The following AP3B1 variants were observed in gnomAD, a reference collection of about 807,000 sequenced individuals.
AP3B1 encodes the protein adaptor related protein complex 3 subunit beta 1.
In AP3B1, 61 loss-of-function variants were observed where a neutral mutation model predicts 132.5. The ratio of observed to expected loss-of-function variants is 0.46; its 90% CI spans 0.37 to 0.57. AP3B1 has a LOEUF of 0.57. AP3B1 is among the 20% of genes least tolerant of loss of function. AP3B1 has a pLI of 0.00. For synonymous variants in AP3B1, 388 were observed against 438.3 expected (o/e 0.89, Z 1.43); for missense variants, 1,120 against 1,289.4 (o/e 0.87, Z 2.01).
At chr5:78,040,100 A>G (rs1309334721) in intron 22 of AP3B1, among the ~76,000 whole-genome samples, 1 of 152,110 alleles carries the variant, frequency 6.6e-6, no homozygotes, top group African/African-American at 2.4e-5. Flanking sequence ...ACTGAAGACC[A>G]TGGCCCCCAG....
At chr5:78,174,910 C>T (rs1053586374) in intron 11 of AP3B1, among the ~76,000 whole-genome samples, 4 of 152,164 alleles carry the variant, frequency 2.6e-5, no homozygotes, top group African/African-American at 7.2e-5. Flanking sequence ...TGTTTACCTA[C>T]TCAAGCCTCA....
intron 22 of AP3B1, among the ~76,000 whole-genome samples, chr5:78,072,443 G>C (rs1301776091): frequency 1.3e-5 from 2 of 152,108 alleles, no homozygotes; most frequent in African/African-American, 4.8e-5. Flanking sequence ...CATTTGGCTG[G>C]TATCGCTTTT....
At chr5:78,044,447 T>C (rs1748236114) in intron 22 of AP3B1, among the ~76,000 whole-genome samples, 1 of 152,248 alleles carries the variant, frequency 6.6e-6, no homozygotes, top group Admixed American at 6.5e-5. Flanking sequence ...ACAAACATAT[T>C]TGTTATCAAA....
chr5:78,058,227 C>T (rs1036746438), intron 22 of AP3B1, among the ~76,000 whole-genome samples: 5 of 152,108 alleles, frequency 3.3e-5, no homozygotes, highest in African/African-American at 4.8e-5. Flanking sequence ...ATAGGCCGGA[C>T]GCAGTGGCTC....
At chr5:78,015,323 T>C (rs966262517) in intron 26 of AP3B1, 87 bp downstream of exon 26, 18 of 1,394,922 alleles carry the variant, frequency 1.3e-5, no homozygotes, top group Non-Finnish European at 1.4e-5. Flanking sequence ...GGGGTTATTA[T>C]TTCCAAAGAA....
chr5:78,148,888 C>G (rs1251170466), intron 14 of AP3B1, among the ~76,000 whole-genome samples: 1 of 152,166 alleles, frequency 6.6e-6, no homozygotes, highest in Non-Finnish European at 1.5e-5. Flanking sequence ...GGCTGTATCA[C>G]TTCGTAGGAA....
At chr5:78,174,513 C>T (rs371581993) in intron 11 of AP3B1, among the ~76,000 whole-genome samples, 2 of 152,314 alleles carry the variant, frequency 1.3e-5, no homozygotes, top group South Asian at 2.1e-4. Context: ...TTATCACCAG[C>T]GGAGGCTGCA....
chr5:78,272,021 G>A (rs1748565444), intron 1 of AP3B1, among the ~76,000 whole-genome samples: 1 of 152,094 alleles, frequency 6.6e-6, no homozygotes, highest in African/African-American at 2.4e-5. Flanking sequence ...ATTTGAATAG[G>A]AAACATTTGC....
rs770570981 is a variant in AP3B1, at chr5:78,128,059, A to C, written c.1939T>G (p.Ser647Ala). The C allele has an allele frequency of 2.4e-5, 39 of 1,613,324 alleles. No individual in the cohort carries two copies. Among genetic ancestry groups the C allele is most frequent in the Non-Finnish European group, 3.2e-5 (38 of 1,179,356 alleles). ...TCTATTACTTCTACATTTCGAACTG[A>C]TGGGTCGGGCGCCACCTCTGGCCAA... Reference protein sequence around the residue: ...SNWPEVAPDPSVRNVEVIELA... With the variant: ...SNWPEVAPDPAVRNVEVIELA... Residue 647 changes from serine to alanine, a missense_variant, in exon 17 of 27, where the codon TCA (serine) becomes GCA (alanine). Transcript: ENST00000255194.
intron 1 of AP3B1, among the ~76,000 whole-genome samples, chr5:78,274,032 GAAAAAAAA>G (rs57157997): frequency 2.2e-5 from 2 of 91,556 alleles, no homozygotes; most frequent in African/African-American, 9.0e-5. Flanking sequence ...AGAAAAAAAG[GAAAAAAAA>G]AAAAAAAAAA....
At chr5:78,043,411 T>C (rs554254856) in intron 22 of AP3B1, 6 of 205,932 alleles carry the variant, frequency 2.9e-5, no homozygotes, top group Middle Eastern at 1.5e-3. Context: ...ATTACAGGCA[T>C]GAGCCATTGT....
At chr5:78,071,859 A>T (rs1749556882) in intron 22 of AP3B1, among the ~76,000 whole-genome samples, 1 of 152,184 alleles carries the variant, frequency 6.6e-6, no homozygotes, top group Non-Finnish European at 1.5e-5. Context: ...CTCTCCACTT[A>T]CTTTCTTTAG....
At chr5:78,193,742 T>TATATATATATATATATATATA (rs1561469413) in intron 7 of AP3B1, among the ~76,000 whole-genome samples, 2 of 90,810 alleles carry the variant, frequency 2.2e-5, no homozygotes, top group East Asian at 2.7e-4. Context: ...GTATATATTT[T>TATATATATATATATATATATA]TTTATATATA....
intron 6 of AP3B1, among the ~76,000 whole-genome samples, chr5:78,224,687 T>C (rs1346055529): frequency 1.3e-5 from 2 of 151,484 alleles, no homozygotes; most frequent in Non-Finnish European, 1.5e-5. Context: ...ACAGCAACCA[T>C]AAAAAAGCTA....
intron 22 of AP3B1, among the ~76,000 whole-genome samples, chr5:78,050,050 G>A (rs892488279): frequency 6.6e-6 from 1 of 151,918 alleles, no homozygotes; most frequent in African/African-American, 2.4e-5. Flanking sequence ...TCTACTCATC[G>A]CCATGACTTC....
rs555309579 is a variant in AP3B1 at position 78,229,114 on chromosome 5, T to C, written c.280-875A>G. ...CACCCGGCTTTTTTTTAGGATTTTA[T>C]AGAGACGGGGTCTTCCTATGTTGCC... On this transcript the variant is annotated intron_variant, in intron 3 of 26. Transcript: ENST00000255194. 1.2e-4 allele frequency among the ~76,000 whole-genome samples: 18 copies of C among 151,972 alleles called. No homozygotes were observed. The East Asian group carries it at 3.3e-3, about 28-fold the overall frequency.
In AP3B1 at chr5:78,162,950, G is replaced by T. The variant is rs745655716; in HGVS notation, c.1232C>A (p.Thr411Asn). 6.8e-6 allele frequency: 11 copies of T among 1,612,964 alleles called. No homozygotes were observed. Among genetic ancestry groups the T allele is most frequent in the Non-Finnish European group, 9.3e-6 (11 of 1,179,280 alleles). Residue 411 changes from threonine to asparagine, a missense_variant and splice_region_variant, in exon 13 of 27, where the codon ACC (threonine) becomes AAC (asparagine). By Grantham distance (65) the Thr-to-Asn change is moderately conservative. This residue lies in a region of AP3B1 where 906 missense variants were observed against 997.1 expected (regional missense o/e 0.91). Coordinates refer to ENST00000255194, the MANE Select transcript of AP3B1 (RefSeq NM_003664.5). ...NISTLLREFQTYVKSQDKQFA... is the reference protein window; with the variant it reads ...NISTLLREFQNYVKSQDKQFA... ...TTGTTTATCCTGGCTTTTCACATAG[G>T]TCTAAAAGATATTATTTCAATTAGT... is the stretch of plus-strand genomic sequence containing the variant.
intron 22 of AP3B1, among the ~76,000 whole-genome samples, chr5:78,083,104 A>G (rs985282708): frequency 7.2e-5 from 11 of 152,176 alleles, no homozygotes; most frequent in Non-Finnish European, 1.0e-4. Flanking sequence ...GGTGTGAGCC[A>G]CCGCGCCCGG....
intron 2 of AP3B1, among the ~76,000 whole-genome samples, chr5:78,256,610 A>T (rs1747859345): frequency 6.6e-6 from 1 of 152,168 alleles, no homozygotes. Context: ...AATTAATATC[A>T]ATCCTACTCA....
Sources: gnomAD v4.1 joint callset for allele counts (sites outside exome capture counted in the v4.1 genomes callset) on GRCh38, gnomAD v4.1.1 for gene constraint, gnomAD v4.1.1 regional missense constraint, MANE v1.5 for transcripts, NCBI Gene and HGNC (gene_info 2026-07-23, HGNC 2026-07-21) for gene names.